SFI1: variants seen among roughly 807,000 people sequenced by gnomAD.
SFI1 encodes SFI1 centrin binding protein.
A neutral mutation model predicts 207.5 loss-of-function variants in SFI1; 195 were observed. The observed-to-expected ratio is 0.94, with a 90% CI of 0.84 to 1.06. The LOEUF is 1.06. SFI1 is among the 50% of genes least tolerant of loss of function. SFI1 has a pLI of 0.00. For synonymous variants in SFI1, 630 were observed against 598.9 expected (o/e 1.05, Z -0.76); for missense variants, 1,634 against 1,588.0 (o/e 1.03, Z -0.49).
At chr22:31,568,757 C>T (rs758486627) in intron 8 of SFI1, among the ~76,000 whole-genome samples, 2 of 151,806 alleles carry the variant, frequency 1.3e-5, no homozygotes, top group Non-Finnish European at 2.9e-5. Context: ...GACTCAGGAA[C>T]CAATTTGGAA....
In SFI1 at chr22:31,604,442, G is replaced by A. The variant is rs1209263049; in HGVS notation, c.1977+38G>A. ...GCTTCCCTCCTGATCTTGCTGTGGGGACAGGGGAGGTTTCTGGAGACTTTG... is the reference window on the plus strand; with the variant it reads ...GCTTCCCTCCTGATCTTGCTGTGGGAACAGGGGAGGTTTCTGGAGACTTTG... On this transcript the variant is annotated intron_variant, in intron 19 of 32. Transcript: ENST00000400288. 3.5e-6 allele frequency: 5 copies of A among 1,447,460 alleles called. No homozygotes were observed. The African/African-American group carries it at 5.7e-5, about 17-fold the overall frequency. The allele number at this position is 1,447,460 out of a possible 1,614,324, so 89.7% of individuals were successfully genotyped here. A position where few individuals can be genotyped will look rare whatever the true frequency, so the allele number is the denominator to read the frequency against.
chr22:31,527,453 G>T (rs2058041386), intron 2 of SFI1, among the ~76,000 whole-genome samples: 1 of 152,192 alleles, frequency 6.6e-6, no homozygotes, highest in African/African-American at 2.4e-5. Flanking sequence ...AAATCTAAGA[G>T]ACTGATTGTG....
chr22:31,599,240 AT>A (rs1603299806), intron 15 of SFI1, among the ~76,000 whole-genome samples: 1 of 151,490 alleles, frequency 6.6e-6, no homozygotes, highest in East Asian at 1.9e-4. Context: ...ATCATCTTGA[AT>A]TTTTTTTCTA....
At chr22:31,603,904 G>A in intron 18 of SFI1, 85 bp downstream of exon 18, 1 of 1,233,666 alleles carries the variant, frequency 8.1e-7, no homozygotes, top group Non-Finnish European at 1.1e-6. Context: ...GCAACATATG[G>A]GCCACACCAC....
intron 12 of SFI1, among the ~76,000 whole-genome samples, chr22:31,580,728 A>C (rs2064046114): frequency 6.6e-6 from 1 of 151,898 alleles, no homozygotes; most frequent in Non-Finnish European, 1.5e-5. Context: ...TTTGTAGTAG[A>C]GACGAGGTTT....
At chr22:31,568,612 G>A (rs1855203032) in intron 8 of SFI1, among the ~76,000 whole-genome samples, 1 of 150,596 alleles carries the variant, frequency 6.6e-6, no homozygotes, top group Non-Finnish European at 1.5e-5. Context: ...CCCAAGTTGT[G>A]GTCTTAACTA....
chr22:31,564,780 G>C (rs2062090425), intron 8 of SFI1, among the ~76,000 whole-genome samples: 1 of 150,816 alleles, frequency 6.6e-6, no homozygotes, highest in African/African-American at 2.4e-5. Flanking sequence ...AAAGTGCTGG[G>C]ATTACAGGCA....
chr22:31,602,163 T>C, intron 15 of SFI1, 49 bp from the exon 16 acceptor site: 2 of 1,492,226 alleles, frequency 1.3e-6, no homozygotes, highest in South Asian at 2.3e-5. Flanking sequence ...CTGTTTGGGT[T>C]AATTTTTATG....
In SFI1 at chr22:31,541,679, G is replaced by A. The variant is rs534572483; in HGVS notation, c.339-5182G>A. 2.0e-5 allele frequency among the ~76,000 whole-genome samples: 3 copies of A among 149,260 alleles called. No homozygotes were observed. In the East Asian group the frequency reaches 5.9e-4, roughly 29 times the overall value. On this transcript the variant is annotated intron_variant, in intron 4 of 32. Transcript: ENST00000400288. ...GAATTGCTTGAACTCAGGAGGCAGA[G>A]GTTGCAGTGAGCCGAGGTGGTGCCA...
intron 13 of SFI1, 105 bp downstream of exon 13, chr22:31,584,077 C>A: frequency 1.0e-6 from 1 of 954,160 alleles, no homozygotes; most frequent in Non-Finnish European, 1.7e-6. Context: ...GTGGCAGATT[C>A]AGAAAGGCCT....
intron 4 of SFI1, among the ~76,000 whole-genome samples, chr22:31,541,423 C>T (rs1000094774): frequency 1.3e-5 from 2 of 152,022 alleles, no homozygotes; most frequent in African/African-American, 4.8e-5. Context: ...TGGTTATGTT[C>T]ATTTCACCAT....
In SFI1 at chr22:31,589,202, ATG is replaced by A. The variant is rs1198754526; in HGVS notation, c.1414-238_1414-237del. Among the ~76,000 whole-genome samples, 9 of 98,148 alleles carry A rather than the reference ATG, an allele frequency of 9.2e-5. No homozygotes were observed. In the South Asian group the frequency reaches 1.6e-3, roughly 18 times the overall value. The allele number at this position is 98,148 out of a possible 152,430, so 64.4% of individuals were successfully genotyped here. ...AGAGAGAGTGAGTGAGAGTGTGTGT[ATG>A]TGTGTGCGTGTGTGTGTGTGTGTGT... On this transcript the variant is annotated intron_variant, in intron 14 of 32. Transcript: ENST00000400288.
At position 31,613,760 on chromosome 22, in the gene SFI1, TG is replaced by T; in HGVS notation, c.2905del (p.Asp969MetfsTer64). Reference sequence around the variant, plus strand: ...TTCTCAACCGCATTGCTGCTGGGGCTGGGGATGGCACCCTTGAGACCAAGAG... The same window carrying T: ...TTCTCAACCGCATTGCTGCTGGGGCTGGGATGGCACCCTTGAGACCAAGAG... ...PLLNRIAAGA[G>X]DGTLETKRPQ... On this transcript the variant is annotated frameshift_variant, in exon 27 of 33. Coordinates refer to ENST00000400288, the MANE Select transcript of SFI1 (RefSeq NM_001007467.3). LOFTEE classifies it high-confidence loss of function. The T allele has an allele frequency of 6.2e-7, 1 of 1,612,998 alleles. No homozygotes were observed. Among genetic ancestry groups the T allele is most frequent in the Non-Finnish European group, 8.5e-7 (1 of 1,179,842 alleles).
In SFI1 at chr22:31,583,933, AGCT is replaced by A. The variant is rs1569384717; in HGVS notation, c.1311_1313del (p.Leu438del). 3 of 1,614,140 alleles carry A rather than the reference AGCT, an allele frequency of 1.9e-6. No homozygotes were observed. The highest frequency in any genetic ancestry group is 2.5e-6 in the Non-Finnish European group (3 of 1,180,028). On this transcript the variant is annotated inframe_deletion, in exon 13 of 33. Coordinates refer to ENST00000400288, the MANE Select transcript of SFI1 (RefSeq NM_001007467.3). ...CAGATTGAGCAGAAAAAGGAAAGAG[AGCT>A]GCTCCCCTTACTGCATGCTGCCTGG... is the stretch of plus-strand genomic sequence containing the variant.
At chr22:31,596,639 A>C (rs1368655297) in intron 15 of SFI1, among the ~76,000 whole-genome samples, 3 of 151,828 alleles carry the variant, frequency 2.0e-5, no homozygotes, top group African/African-American at 2.4e-5. Flanking sequence ...AAAAATACAA[A>C]AATTGGCCAG....
At chr22:31,555,466 C>T (rs574623731) in intron 6 of SFI1, among the ~76,000 whole-genome samples, 1 of 152,274 alleles carries the variant, frequency 6.6e-6, no homozygotes, top group African/African-American at 2.4e-5. Flanking sequence ...CACTCTTGGA[C>T]TGTTAAATGA....
At chr22:31,617,176 G>C (rs776041820) in intron 31 of SFI1, 98 bp downstream of exon 31, 2 of 1,297,882 alleles carry the variant, frequency 1.5e-6, no homozygotes, top group Non-Finnish European at 1.1e-6. Flanking sequence ...CAGCTGCCAG[G>C]GTCCTGTAGG....
intron 15 of SFI1, among the ~76,000 whole-genome samples, chr22:31,594,163 A>C (rs1426695136): frequency 6.6e-6 from 1 of 152,192 alleles, no homozygotes; most frequent in Non-Finnish European, 1.5e-5. Context: ...TCACCTTGGC[A>C]GACATTCTTA....
intron 15 of SFI1, among the ~76,000 whole-genome samples, chr22:31,601,069 C>T (rs1450219332): frequency 6.6e-6 from 1 of 150,760 alleles, no homozygotes; most frequent in East Asian, 1.9e-4. Context: ...TAATGGTGAT[C>T]TGTAGGCCTA....
Sources: gnomAD v4.1 joint callset for allele counts (sites outside exome capture counted in the v4.1 genomes callset) on GRCh38, gnomAD v4.1.1 for gene constraint, MANE v1.5 for transcripts, NCBI Gene and HGNC (gene_info 2026-07-23, HGNC 2026-07-21) for gene names.